Variants in MGAT4C observed in about 807,000 individuals in gnomAD.
The protein encoded by MGAT4C is alpha-1,3-mannosyl-glycoprotein 4-beta-N-acetylglucosaminyltransferase C.
Under a neutral mutation model 40.1 loss-of-function variants are expected in MGAT4C, and 19 were observed. That is an observed-to-expected ratio of 0.47 (90% CI 0.33 to 0.70). The LOEUF (loss-of-function observed/expected upper bound fraction) is 0.70, where lower values mean the gene tolerates loss of function less well. Ranked by LOEUF, MGAT4C falls within the 30% of genes least tolerant of loss-of-function variation. The pLI is 0.02. For synonymous variants in MGAT4C, 181 were observed against 187.1 expected, an observed-to-expected ratio of 0.97 and a Z score of 0.27; for missense variants, 491 against 563.2, an observed-to-expected ratio of 0.87 and a Z score of 1.30.
intron 4 of MGAT4C, among the ~76,000 whole-genome samples, chr12:85,980,972 CT>C (rs912719302): frequency 2.0e-5 from 3 of 151,664 alleles, no homozygotes; most frequent in African/African-American, 4.8e-5. Flanking sequence ...TTTCAGTTTT[CT>C]TTTTTTTGCT....
chr12:86,325,275 T>A (rs540827370), intron 4 of MGAT4C, among the ~76,000 whole-genome samples: 1 of 152,280 alleles, frequency 6.6e-6, no homozygotes, highest in South Asian at 2.1e-4. Flanking sequence ...TGTATTGATA[T>A]TTTTCCAGAT....
chr12:86,780,938 C>T (rs1458635567), intron 1 of MGAT4C, among the ~76,000 whole-genome samples: 1 of 152,086 alleles, frequency 6.6e-6, no homozygotes, highest in Non-Finnish European at 1.5e-5. Context: ...AATTATTACA[C>T]TTAAGGTAAT....
chr12:86,287,787 G>A lies in MGAT4C; in HGVS notation c.-57+46278C>T, dbSNP rs183131121. On this transcript the variant is annotated intron_variant, in intron 4 of 7. Coordinates refer to the MGAT4C transcript ENST00000548651. Reference sequence around the variant, plus strand: ...GGGTTGGTTCTAAATCTTTGCTATCGTGAGCAATGCTGCAGTAATCATACG... The same window carrying A: ...GGGTTGGTTCTAAATCTTTGCTATCATGAGCAATGCTGCAGTAATCATACG... 6.6e-5 allele frequency among the ~76,000 whole-genome samples: 10 copies of A among 152,204 alleles called. No homozygotes were observed. In the South Asian group the frequency reaches 1.7e-3, roughly 25 times the overall value.
intron 2 of MGAT4C, among the ~76,000 whole-genome samples, chr12:86,038,003 A>G (rs1891412663): frequency 6.7e-6 from 1 of 149,636 alleles, no homozygotes; most frequent in South Asian, 2.1e-4. Context: ...GGGAAATGAC[A>G]GTTTGAGAGA....
At chr12:86,229,753 A>C (rs867399895) in intron 1 of MGAT4C, among the ~76,000 whole-genome samples, 2 of 152,040 alleles carry the variant, frequency 1.3e-5, no homozygotes, top group Non-Finnish European at 2.9e-5. Context: ...AGTTAGGAAA[A>C]GCTTCATGGT....
chr12:86,053,246 TTTG>T (rs1397215360), intron 1 of MGAT4C, among the ~76,000 whole-genome samples: 2 of 66,780 alleles, frequency 3.0e-5, no homozygotes. Flanking sequence ...AGTATTTGAC[TTTG>T]TGTGTGTGTG....
At chr12:86,643,018 C>A (rs192784336) in intron 2 of MGAT4C, among the ~76,000 whole-genome samples, 2 of 151,748 alleles carry the variant, frequency 1.3e-5, no homozygotes, top group Admixed American at 1.3e-4. Context: ...CACTGTTAGG[C>A]ATATACTTTT....
intron 1 of MGAT4C, among the ~76,000 whole-genome samples, chr12:86,820,079 C>T (rs1952679569): frequency 6.7e-6 from 1 of 150,322 alleles, no homozygotes; most frequent in Admixed American, 6.7e-5. Context: ...GCAAATATTA[C>T]AAAAAATAAA....
intron 1 of MGAT4C, among the ~76,000 whole-genome samples, chr12:86,063,157 T>A (rs2137009430): frequency 6.6e-6 from 1 of 152,242 alleles, no homozygotes; most frequent in South Asian, 2.1e-4. Context: ...GGGAAGCCCA[T>A]CAGACTAACA....
At chr12:86,433,575 C>A (rs915131092) in intron 3 of MGAT4C, among the ~76,000 whole-genome samples, 2 of 151,662 alleles carry the variant, frequency 1.3e-5, no homozygotes, top group African/African-American at 4.8e-5. Context: ...CTTTTTTTCC[C>A]CTCAGCTCCC....
intron 2 of MGAT4C, among the ~76,000 whole-genome samples, chr12:86,716,260 AAATT>A (rs1417461840): frequency 6.6e-6 from 1 of 152,148 alleles, no homozygotes; most frequent in East Asian, 1.9e-4. Flanking sequence ...AATTTGTGCC[AAATT>A]AATTCAAATA....
chr12:86,095,574 C>T (rs1405634952), intron 1 of MGAT4C, among the ~76,000 whole-genome samples: 1 of 151,050 alleles, frequency 6.6e-6, no homozygotes, highest in East Asian at 1.9e-4. Context: ...GGCTACCTAT[C>T]TACTCATGCT....
intron 1 of MGAT4C, among the ~76,000 whole-genome samples, chr12:86,134,981 G>A (rs1189430387): frequency 6.6e-6 from 1 of 152,068 alleles, no homozygotes; most frequent in Admixed American, 6.5e-5. Flanking sequence ...CAAATCTATA[G>A]GATACCTTTG....
At chr12:86,154,254 G>C (rs560759681) in intron 1 of MGAT4C, among the ~76,000 whole-genome samples, 1 of 152,236 alleles carries the variant, frequency 6.6e-6, no homozygotes, top group East Asian at 1.9e-4. Context: ...AATAGGCTGG[G>C]AATTCAACAT....
intron 2 of MGAT4C, among the ~76,000 whole-genome samples, chr12:86,480,642 A>G (rs1284264361): frequency 6.6e-6 from 1 of 151,522 alleles, no homozygotes; most frequent in East Asian, 1.9e-4. Flanking sequence ...GTAGTTAATG[A>G]TGTATAAACA....
intron 2 of MGAT4C, among the ~76,000 whole-genome samples, chr12:86,688,571 T>A (rs1355842339): frequency 6.6e-6 from 1 of 152,164 alleles, no homozygotes; most frequent in African/African-American, 2.4e-5. Flanking sequence ...CAGTTGCTTG[T>A]CTGTGAAGAT....
At chr12:86,448,609 T>A (rs747147516) in intron 2 of MGAT4C, among the ~76,000 whole-genome samples, 1 of 152,176 alleles carries the variant, frequency 6.6e-6, no homozygotes, top group Non-Finnish European at 1.5e-5. Flanking sequence ...TTAAACCTGC[T>A]GAATGGAGGG....
chr12:86,454,582 C>T (rs1348429183), intron 2 of MGAT4C, among the ~76,000 whole-genome samples: 1 of 151,934 alleles, frequency 6.6e-6, no homozygotes, highest in Non-Finnish European at 1.5e-5. Context: ...GACAGACAGA[C>T]ACATTGCTAC....
At chr12:86,262,152 C>T (rs1028593332) in intron 4 of MGAT4C, among the ~76,000 whole-genome samples, 11 of 152,096 alleles carry the variant, frequency 7.2e-5, no homozygotes, top group African/African-American at 2.7e-4. Flanking sequence ...TCTCTCTTCT[C>T]CATCGCAAAT....
Sources: gnomAD v4.1 joint callset for allele counts (sites outside exome capture counted in the v4.1 genomes callset) on GRCh38, gnomAD v4.1.1 for gene constraint, MANE v1.5 for transcripts, NCBI Gene and HGNC (gene_info 2026-07-23, HGNC 2026-07-21) for gene names.